Variants in PCDHGA6 observed in about 807,000 individuals in gnomAD.
The protein encoded by PCDHGA6 is protocadherin gamma subfamily A, 6, also known as protocadherin gamma-A6.
In PCDHGA6, 41 loss-of-function variants were observed where a neutral mutation model predicts 60.6. The ratio of observed to expected loss-of-function variants is 0.68; its 90% CI spans 0.53 to 0.88. The LOEUF (loss-of-function observed/expected upper bound fraction) is 0.88, where lower values mean the gene tolerates loss of function less well. Among genes scored for constraint, PCDHGA6 ranks in the 40% least tolerant of loss-of-function variants. The pLI, the probability that PCDHGA6 is intolerant of heterozygous loss-of-function variation, is 0.00. For synonymous variants in PCDHGA6, 594 were observed against 524.4 expected, an observed-to-expected ratio of 1.13 and a Z score of -1.81; for missense variants, 1,312 against 1,203.0, an observed-to-expected ratio of 1.09 and a Z score of -1.34.
Position 141,511,656 on chromosome 5 carries a change from C to T in PCDHGA6, c.*483C>T, listed in dbSNP as rs2099883892. On this transcript the variant is annotated 3_prime_UTR_variant, in exon 4 of 4. Transcript: ENST00000517434. ...GGGCATCATGACCTCTTGGCCTCTC[C>T]TTTGATTCTCAATCTTCCCCCAAAG... is the stretch of plus-strand genomic sequence containing the variant. 4.9e-6 allele frequency: 1 copy of T among 206,024 alleles called. No individual in the cohort carries two copies. The highest frequency in any genetic ancestry group is 5.2e-5 in the Admixed American group (1 of 19,114). 12.8% of individuals were successfully genotyped at this position (206,024 alleles called of 1,614,324 possible).
At chr5:141,402,884 T>G in intron 1 of PCDHGA6, 1 of 1,481,582 alleles carries the variant, frequency 6.7e-7, no homozygotes, top group Non-Finnish European at 9.0e-7. Flanking sequence ...CTTTGCAGGG[T>G]GGAAGAAAGA....
intron 1 of PCDHGA6, chr5:141,419,344 C>T (rs2096363174): frequency 1.9e-6 from 3 of 1,613,732 alleles, no homozygotes; most frequent in Non-Finnish European, 2.5e-6. Flanking sequence ...TTGCCAGCGA[C>T]CTGGAGTCAC....
intron 1 of PCDHGA6, chr5:141,424,783 T>C (rs1285808638): frequency 1.3e-5 from 2 of 152,212 alleles, no homozygotes; most frequent in African/African-American, 4.8e-5. Flanking sequence ...TACATTCAGT[T>C]CTTTTATTCA....
intron 1 of PCDHGA6, chr5:141,440,761 C>T (rs2098198732): frequency 6.6e-6 from 1 of 152,172 alleles, no homozygotes; most frequent in African/African-American, 2.4e-5. Context: ...GCAGAGCTCC[C>T]ATCCCTTAGT....
Position 141,486,772 on chromosome 5 carries a change from T to A in PCDHGA6, c.2425-8035T>A. ...ATGAGCAAACCCAGACACTGCAGTT[T>A]GAGGTGCAGGCCCGGGATCGGGGCA... is the stretch of plus-strand genomic sequence containing the variant. On this transcript the variant is annotated intron_variant, in intron 1 of 3. Coordinates refer to ENST00000517434, the MANE Select transcript of PCDHGA6 (RefSeq NM_018919.3). The surrounding 1 kb of genome is among the most constrained non-coding windows in gnomAD (Gnocchi z 5.0). 1 of 1,614,246 alleles carries A rather than the reference T, an allele frequency of 6.2e-7. No homozygotes were observed. Among genetic ancestry groups the A allele is most frequent in the South Asian group, 1.1e-5 (1 of 91,088 alleles).
intron 1 of PCDHGA6, chr5:141,398,734 G>C (rs768663543): frequency 6.2e-7 from 1 of 1,613,788 alleles, no homozygotes; most frequent in Non-Finnish European, 8.5e-7. Context: ...CTTAGACCGG[G>C]AACAACAGAG....
intron 1 of PCDHGA6, chr5:141,478,533 C>G: frequency 6.2e-7 from 1 of 1,608,070 alleles, no homozygotes; most frequent in African/African-American, 1.3e-5. Context: ...GCAGAGAGCG[C>G]CCCTCCCGGA....
Position 141,494,880 on chromosome 5 carries a change from C to T in PCDHGA6, c.2483+15C>T. On this transcript the variant is annotated intron_variant, in intron 2 of 3. Transcript: ENST00000517434. ...GGCACCAGCGGGTAGGTGACTGATT[C>T]TCCAGCCCACCCTCTTCTCTGCGGC... 3 of 1,614,158 alleles carry T rather than the reference C, an allele frequency of 1.9e-6. No homozygotes were observed. Among genetic ancestry groups the T allele is most frequent in the Non-Finnish European group, 1.7e-6 (2 of 1,180,012 alleles).
chr5:141,389,049 C>T, intron 1 of PCDHGA6: 7 of 1,613,880 alleles, frequency 4.3e-6, no homozygotes, highest in Non-Finnish European at 5.9e-6. Flanking sequence ...AGGTGATGTT[C>T]CATTTAAAAT....
intron 1 of PCDHGA6, chr5:141,404,337 C>T (rs766940096): frequency 5.0e-6 from 8 of 1,613,902 alleles, no homozygotes; most frequent in Admixed American, 1.7e-5. Flanking sequence ...GTCTACCTCC[C>T]GGAAAACAAC....
chr5:141,433,878 T>C (rs774226497), intron 1 of PCDHGA6, among the ~76,000 whole-genome samples: 15 of 151,848 alleles, frequency 9.9e-5, no homozygotes, highest in Non-Finnish European at 1.5e-4. Flanking sequence ...GTTTCATCCA[T>C]TGATGACACT....
intron 1 of PCDHGA6, chr5:141,421,835 G>T: frequency 6.2e-7 from 1 of 1,613,746 alleles, no homozygotes. Flanking sequence ...AGCCTGGACC[G>T]AGAGAAAGAG....
intron 1 of PCDHGA6, among the ~76,000 whole-genome samples, chr5:141,481,675 C>T (rs943204061): frequency 4.0e-5 from 6 of 151,490 alleles, no homozygotes; most frequent in Non-Finnish European, 5.9e-5. Context: ...AAAATCAGGC[C>T]GGGCCTGGTG....
chr5:141,478,576 G>C (rs543160289), intron 1 of PCDHGA6: 3 of 1,585,598 alleles, frequency 1.9e-6, no homozygotes, highest in Middle Eastern at 3.3e-4. Flanking sequence ...GCTTGACCCT[G>C]TTAGTGCTTT....
intron 1 of PCDHGA6, chr5:141,414,452 T>C (rs767824112): frequency 6.2e-7 from 1 of 1,613,886 alleles, no homozygotes. Flanking sequence ...AATATCACAG[T>C]GACAGCCACA....
rs1226463441 is a variant in PCDHGA6, at chr5:141,432,906, T to A, written c.2424+56399T>A. 6.2e-7 allele frequency: 1 copy of A among 1,614,176 alleles called. No individual in the cohort carries two copies. The highest frequency in any genetic ancestry group is 8.5e-7 in the Non-Finnish European group (1 of 1,180,002). ...GTCATCTTGCTGCTGGCGCTCAGGC[T>A]GCGGCGCTGGCACAAGTCACGCCTG... On this transcript the variant is annotated intron_variant, in intron 1 of 3. Coordinates refer to ENST00000517434, the MANE Select transcript of PCDHGA6 (RefSeq NM_018919.3). The surrounding 1 kb of genome is among the most constrained non-coding windows in gnomAD (Gnocchi z 6.0).
rs2095058812 is a variant in PCDHGA6 at position 141,408,208 on chromosome 5, A to T, written c.2424+31701A>T. ...AGCGAGAACCCGAGCGAACGATGGGAGGGAGCTGCGCGCAGAGGCGCCGGG... is the reference window on the plus strand; with the variant it reads ...AGCGAGAACCCGAGCGAACGATGGGTGGGAGCTGCGCGCAGAGGCGCCGGG... On this transcript the variant is annotated intron_variant, in intron 1 of 3. Transcript: ENST00000517434. The T allele has an allele frequency of 1.9e-6, 3 of 1,553,236 alleles. No homozygotes were observed. The East Asian group carries it at 7.3e-5, about 38-fold the overall frequency.
intron 1 of PCDHGA6, chr5:141,389,060 A>G (rs1164665785): frequency 3.7e-6 from 6 of 1,614,010 alleles, no homozygotes; most frequent in Non-Finnish European, 4.2e-6. Context: ...CATTTAAAAT[A>G]TTAACTTCTT....
chr5:141,482,102 A>T (rs1016315214), intron 1 of PCDHGA6, among the ~76,000 whole-genome samples: 13 of 151,860 alleles, frequency 8.6e-5, no homozygotes, highest in African/African-American at 2.7e-4. Context: ...AAAAAAAAAA[A>T]AAATATCTAG....
Sources: allele counts gnomAD v4.1 joint callset (sites outside exome capture counted in the v4.1 genomes callset), GRCh38; gene constraint gnomAD v4.1.1; non-coding constraint Gnocchi (gnomAD v3.1); transcripts MANE v1.5; gene names NCBI Gene and HGNC (gene_info 2026-07-23, HGNC 2026-07-21).